Variants in AKAP13 observed in about 807,000 individuals in gnomAD.
AKAP13 encodes the protein A-kinase anchoring protein 13, also known as A-kinase anchor protein 13.
AKAP13 carries 80 observed loss-of-function variants against 264.5 expected under a neutral mutation model. The ratio of observed to expected loss-of-function variants is 0.30; its 90% CI spans 0.25 to 0.36. The LOEUF (loss-of-function observed/expected upper bound fraction) is 0.36, where lower values mean the gene tolerates loss of function less well. Among genes scored for constraint, AKAP13 ranks in the 10% least tolerant of loss-of-function variants. The pLI is 1.00. For synonymous variants in AKAP13, 1,380 were observed against 1,250.2 expected (o/e 1.10, Z -2.19); for missense variants, 3,712 against 3,435.2 (o/e 1.08, Z -2.01).
chr15:85,716,751 A>G (rs1182594449), intron 20 of AKAP13, among the ~76,000 whole-genome samples: 1 of 152,074 alleles, frequency 6.6e-6, no homozygotes, highest in Non-Finnish European at 1.5e-5. Context: ...CCAAAAGTGT[A>G]CTTTTCAAAA....
chr15:85,405,642 A>G (rs1191656312), intron 1 of AKAP13, among the ~76,000 whole-genome samples: 1 of 152,198 alleles, frequency 6.6e-6, no homozygotes, highest in Non-Finnish European at 1.5e-5. Flanking sequence ...TAGGATACTT[A>G]TTGAGCTAGT....
chr15:85,593,531 A>ATTTTTT (rs34359285), intron 8 of AKAP13, among the ~76,000 whole-genome samples: 1 of 145,846 alleles, frequency 6.9e-6, no homozygotes, highest in African/African-American at 2.5e-5. Context: ...CCATGTGGGA[A>ATTTTTT]TTTTTTTTTT....
intron 7 of AKAP13, among the ~76,000 whole-genome samples, chr15:85,583,623 C>T (rs180952159): frequency 9.2e-4 from 140 of 152,252 alleles, no homozygotes; most frequent in Non-Finnish European, 1.7e-3. Context: ...CTTTTCATTT[C>T]GGTGCTGCGT....
At chr15:85,461,603 T>C (rs959736246) in intron 1 of AKAP13, among the ~76,000 whole-genome samples, 1 of 132,930 alleles carries the variant, frequency 7.5e-6, no homozygotes, top group African/African-American at 2.4e-5. Context: ...TTTTAAATGG[T>C]GTGTTTTTTT....
At chr15:85,555,629 A>T (rs1471058492) in intron 5 of AKAP13, 2 of 518,866 alleles carry the variant, frequency 3.9e-6, no homozygotes, top group Non-Finnish European at 6.8e-6. Context: ...GGATCAGAAA[A>T]GTGTTCTTCT....
intron 2 of AKAP13, among the ~76,000 whole-genome samples, chr15:85,521,213 G>T (rs1596409316): frequency 1.3e-5 from 2 of 152,202 alleles, no homozygotes; most frequent in East Asian, 3.8e-4. Flanking sequence ...AAAGAAGAGA[G>T]AGCGATCTTA....
At chr15:85,653,192 G>A (rs1567176532) in intron 10 of AKAP13, among the ~76,000 whole-genome samples, 1 of 152,156 alleles carries the variant, frequency 6.6e-6, no homozygotes, top group Non-Finnish European at 1.5e-5. Flanking sequence ...AATTTACTCA[G>A]TGAACCATAG....
chr15:85,406,900 AT>A (rs1408244890), intron 1 of AKAP13, among the ~76,000 whole-genome samples: 1 of 151,782 alleles, frequency 6.6e-6, no homozygotes, highest in Non-Finnish European at 1.5e-5. Flanking sequence ...ACAGCATATT[AT>A]GGGCTAGGCC....
At chr15:85,545,919 T>C (rs1328453673) in intron 5 of AKAP13, among the ~76,000 whole-genome samples, 2 of 152,166 alleles carry the variant, frequency 1.3e-5, no homozygotes, top group Non-Finnish European at 2.9e-5. Flanking sequence ...ATCACAACAC[T>C]CACAGAGTTA....
intron 1 of AKAP13, among the ~76,000 whole-genome samples, chr15:85,476,859 C>T (rs1366387824): frequency 1.3e-5 from 2 of 151,972 alleles, no homozygotes; most frequent in Non-Finnish European, 2.9e-5. Flanking sequence ...AAAATAAGTA[C>T]GTTTAATTTT....
intron 21 of AKAP13, 33 bp downstream of exon 21, chr15:85,717,435 T>C: frequency 6.9e-7 from 1 of 1,452,990 alleles, no homozygotes; most frequent in Non-Finnish European, 9.6e-7. Flanking sequence ...ATTTTATGCC[T>C]CTGTAGGGAC....
intron 12 of AKAP13, among the ~76,000 whole-genome samples, chr15:85,659,932 TAATTGAGG>T (rs2083263403): frequency 6.6e-6 from 1 of 152,254 alleles, no homozygotes; most frequent in Non-Finnish European, 1.5e-5. Context: ...TTATCCCTAC[TAATTGAGG>T]AATTGAGGAA....
intron 1 of AKAP13, among the ~76,000 whole-genome samples, chr15:85,458,151 A>AAG (rs1433948754): frequency 1.3e-5 from 2 of 151,908 alleles, no homozygotes; most frequent in Non-Finnish European, 2.9e-5. Context: ...AAAAAAAAAA[A>AAG]AAAGTTGAAA....
intron 1 of AKAP13, among the ~76,000 whole-genome samples, chr15:85,386,359 A>G (rs1474600745): frequency 1.3e-5 from 2 of 150,362 alleles, no homozygotes; most frequent in African/African-American, 4.9e-5. Context: ...CGTGAGTGAG[A>G]TCTTGTTCAC....
At chr15:85,451,114 T>C (rs2074074290) in intron 1 of AKAP13, among the ~76,000 whole-genome samples, 1 of 152,228 alleles carries the variant, frequency 6.6e-6, no homozygotes, top group Non-Finnish European at 1.5e-5. Context: ...CCCATGCCCT[T>C]CCTTGTCTTT....
At chr15:85,437,643 C>T (rs1229776643) in intron 1 of AKAP13, among the ~76,000 whole-genome samples, 4 of 152,098 alleles carry the variant, frequency 2.6e-5, no homozygotes, top group Non-Finnish European at 4.4e-5. Context: ...GGCTTCATCC[C>T]GGGATGCAAG....
intron 30 of AKAP13, among the ~76,000 whole-genome samples, chr15:85,731,566 T>C (rs1597208416): frequency 6.6e-6 from 1 of 152,334 alleles, no homozygotes; most frequent in Admixed American, 6.5e-5. Flanking sequence ...CGTAATTAAT[T>C]ACTCAGACTT....
At position 85,533,627 on chromosome 15, in the gene AKAP13, C is replaced by T; in HGVS notation, c.225C>T (p.Ser75=). 3.1e-6 allele frequency: 5 copies of T among 1,613,838 alleles called. No individual in the cohort carries two copies. The highest frequency in any genetic ancestry group is 2.5e-6 in the Non-Finnish European group (3 of 1,179,868). ...CETVKVQLCA[S]KEGLPVFVVA... is the part of the protein sequence containing the mutation. ...CAGTGAAGGTGCAGCTCTGTGCTTC[C>T]AAAGAGGGCCTTCCCGTGTTTGTGG... The change falls in exon 4 of 37, where the codon TCC becomes TCT. Residue 75 remains serine, a synonymous_variant. Transcript: ENST00000394518.
intron 1 of AKAP13, among the ~76,000 whole-genome samples, chr15:85,401,707 AT>A (rs1453236128): frequency 2.0e-4 from 31 of 152,330 alleles, no homozygotes; most frequent in African/African-American, 7.2e-4. Context: ...ATTTCAGAGG[AT>A]TCTTCCTTAG....
Sources: allele counts gnomAD v4.1 joint callset (sites outside exome capture counted in the v4.1 genomes callset), GRCh38; gene constraint gnomAD v4.1.1; transcripts MANE v1.5; gene names NCBI Gene and HGNC (gene_info 2026-07-23, HGNC 2026-07-21).